FBXO34: variants seen among roughly 807,000 people sequenced by gnomAD.
The protein encoded by FBXO34 is F-box protein 34.
In FBXO34, 12 loss-of-function variants were observed where a neutral mutation model predicts 24.5. The observed-to-expected ratio is 0.49, with a 90% CI of 0.31 to 0.79. FBXO34 has a LOEUF of 0.79. FBXO34 is among the 30% of genes least tolerant of loss of function. FBXO34 has a pLI of 0.04. For synonymous variants in FBXO34, 320 were observed against 311.9 expected (o/e 1.03, Z -0.27); for missense variants, 823 against 857.7 (o/e 0.96, Z 0.51).
chr14:55,301,606 GTATC>G (rs1247952799), intron 1 of FBXO34, among the ~76,000 whole-genome samples: 1 of 152,208 alleles, frequency 6.6e-6, no homozygotes, highest in East Asian at 1.9e-4. Context: ...GAGTGAGAAA[GTATC>G]TAGGGAGGAG....
At chr14:55,439,128 G>A in the FBXO34 span, among the ~76,000 whole-genome samples, 4 of 151,898 alleles carry the variant, frequency 2.6e-5, no homozygotes, top group Non-Finnish European at 4.4e-5. Context: ...TAGCAGAGGC[G>A]AAGTTTCGCC....
chr14:55,301,787 G>GTAT, intron 1 of FBXO34, among the ~76,000 whole-genome samples: 1 of 152,202 alleles, frequency 6.6e-6, no homozygotes, highest in East Asian at 1.9e-4. Flanking sequence ...GAGCCAGGCA[G>GTAT]TATTATCTGA....
chr14:55,304,349 T>C, intron 1 of FBXO34, among the ~76,000 whole-genome samples: 1 of 151,810 alleles, frequency 6.6e-6, no homozygotes, highest in Non-Finnish European at 1.5e-5. Context: ...CTCTTTTACT[T>C]TTTTTTTAAT....
intron 1 of FBXO34, among the ~76,000 whole-genome samples, chr14:55,294,534 T>C (rs80148613): frequency 0.058 from 8,840 of 152,272 alleles, 327 homozygotes; most frequent in South Asian, 0.09. Context: ...ATTATAGACA[T>C]GAGCCTGGCC....
At chr14:55,378,706 T>C in the FBXO34 span, among the ~76,000 whole-genome samples, 7 of 151,590 alleles carry the variant, frequency 4.6e-5, no homozygotes, top group Admixed American at 4.6e-4. Flanking sequence ...TTACCTTTTT[T>C]GTTTGTTTTT....
chr14:55,322,026 T>C (rs981738445), intron 1 of FBXO34, among the ~76,000 whole-genome samples: 18 of 152,228 alleles, frequency 1.2e-4, no homozygotes, highest in African/African-American at 4.1e-4. Context: ...CCAGTTATTA[T>C]ATAAGACATC....
At chr14:55,357,390 A>G (rs1884537450), downstream of FBXO34, among the ~76,000 whole-genome samples, 1 of 152,216 alleles carries the variant, frequency 6.6e-6, no homozygotes, top group African/African-American at 2.4e-5. Flanking sequence ...CCTTTCTCCC[A>G]GAGGCCCCCT....
chr14:55,360,628 C>T (rs1467814171), intron 3 of FBXO34, among the ~76,000 whole-genome samples: 1 of 151,978 alleles, frequency 6.6e-6, no homozygotes, highest in Admixed American at 6.6e-5. Context: ...GTTTTACACG[C>T]GATGTTTATT....
chr14:55,369,905 CGTACT>C, downstream of FBXO34: 1 of 1,611,678 alleles, frequency 6.2e-7, no homozygotes, highest in Non-Finnish European at 8.5e-7. Flanking sequence ...AAGGTCTGCT[CGTACT>C]TCAAAGGGCC....
chr14:55,328,591 T>G (rs536720524), intron 1 of FBXO34, among the ~76,000 whole-genome samples: 3 of 152,344 alleles, frequency 2.0e-5, no homozygotes, highest in African/African-American at 7.2e-5. Flanking sequence ...TAATTGTTTC[T>G]GGAATTTTCC....
intron 1 of FBXO34, among the ~76,000 whole-genome samples, chr14:55,310,538 A>G (rs926566777): frequency 1.3e-5 from 2 of 152,202 alleles, no homozygotes; most frequent in Non-Finnish European, 2.9e-5. Context: ...TGAGAAATGT[A>G]GACTATGCCT....
At chr14:55,318,784 A>G (rs890874972) in intron 1 of FBXO34, among the ~76,000 whole-genome samples, 1 of 152,102 alleles carries the variant, frequency 6.6e-6, no homozygotes, top group Non-Finnish European at 1.5e-5. Context: ...ATTGTCTCTA[A>G]TTCTTCAGCA....
chr14:55,280,154 T>G (rs916340670), intron 1 of FBXO34, among the ~76,000 whole-genome samples: 3 of 152,216 alleles, frequency 2.0e-5, no homozygotes, highest in African/African-American at 4.8e-5. Context: ...ACATGATATA[T>G]GTACATACAT....
chr14:55,277,014 G>C (rs554479603), intron 1 of FBXO34, among the ~76,000 whole-genome samples: 4 of 152,190 alleles, frequency 2.6e-5, no homozygotes, highest in Non-Finnish European at 4.4e-5. Flanking sequence ...GGCAAAACTT[G>C]TATATAGTAA....
chr14:55,355,766 C>T (rs537584207), downstream of FBXO34, among the ~76,000 whole-genome samples: 7 of 152,344 alleles, frequency 4.6e-5, no homozygotes, highest in East Asian at 9.6e-4. Flanking sequence ...CCCACAGTGC[C>T]TCACACAACA....
chr14:55,429,290 C>T, the FBXO34 span, among the ~76,000 whole-genome samples: 31,401 of 152,198 alleles, frequency 0.21, 5,116 homozygotes, highest in African/African-American at 0.46. Context: ...AGTGTGTCCC[C>T]AGACCAGCAG....
At chr14:55,332,651 G>A (rs943795755) in intron 1 of FBXO34, among the ~76,000 whole-genome samples, 2 of 152,204 alleles carry the variant, frequency 1.3e-5, no homozygotes, top group African/African-American at 4.8e-5. Context: ...TTCATAGGGA[G>A]AACTTGGTGT....
rs1237955954 is a variant in FBXO34, at chr14:55,323,210, A to T, written c.-10-27171A>T. 3.1e-3 allele frequency among the ~76,000 whole-genome samples: 103 copies of T among 32,916 alleles called. 2 individuals carry two copies. The highest frequency in any genetic ancestry group is 0.015 in the African/African-American group (42 of 2,896). 21.6% of individuals were successfully genotyped at this position (32,916 alleles called of 152,430 possible). ...AAAAAAAAAAAAAAAAAAAAAAAAA[A>T]AAAAAAAAATATATATTTTTTTTTT... is the stretch of plus-strand genomic sequence containing the variant. On this transcript the variant is annotated intron_variant, in intron 1 of 1. Coordinates refer to ENST00000313833, the MANE Select transcript of FBXO34 (RefSeq NM_017943.4).
Position 55,351,063 on chromosome 14 carries a change from T to C in FBXO34, c.673T>C (p.Cys225Arg), listed in dbSNP as rs1008347470. The change falls in exon 2 of 2, where the codon TGT becomes CGT. Residue 225 changes from cysteine to arginine, a missense_variant. Around this residue, in one of 2 missense-constraint regions of FBXO34, gnomAD observed 693 missense variants for 659.1 expected, o/e 1.05. Transcript: ENST00000313833. ...EQRASALLAS[C>R]SKNCTNSPAI... Reference sequence around the variant, plus strand: ...AAGAGCCAGTGCTCTGCTAGCTAGCTGTTCAAAAAACTGCACAAACTCACC... The same window carrying C: ...AAGAGCCAGTGCTCTGCTAGCTAGCCGTTCAAAAAACTGCACAAACTCACC... 2 of 1,614,218 alleles carry C rather than the reference T, an allele frequency of 1.2e-6. No homozygotes were observed. Among genetic ancestry groups the C allele is most frequent in the African/African-American group, 2.7e-5 (2 of 75,056 alleles).
Sources: allele counts gnomAD v4.1 joint callset (sites outside exome capture counted in the v4.1 genomes callset), GRCh38; gene constraint gnomAD v4.1.1; regional missense constraint gnomAD v4.1.1; transcripts MANE v1.5; gene names NCBI Gene and HGNC (gene_info 2026-07-23, HGNC 2026-07-21).